The following HUS1 variants were observed in gnomAD, a reference collection of about 807,000 sequenced individuals.
HUS1 encodes the protein checkpoint protein HUS1.
Under a neutral mutation model 32.6 loss-of-function variants are expected in HUS1, and 31 were observed. That is an observed-to-expected ratio of 0.95 (90% confidence interval 0.72 to 1.28). HUS1 has a LOEUF of 1.28. HUS1 is among the 50% of genes most tolerant of loss of function. The pLI is 0.00. For missense variants in HUS1, 340 were observed against 337.7 expected (o/e 1.01, Z -0.05); for synonymous variants, 123 against 116.6 (o/e 1.06, Z -0.36).
intron 5 of HUS1, among the ~76,000 whole-genome samples, chr7:47,974,744 G>A (rs867363624): frequency 6.6e-6 from 1 of 152,076 alleles, no homozygotes; most frequent in Non-Finnish European, 1.5e-5. Context: ...TATGAATGAG[G>A]ATAACCTACA....
rs768800136 is a variant in HUS1 at position 47,976,820 on chromosome 7, A to C, written c.375T>G (p.Ser125Arg). 2 of 1,609,578 alleles carry C rather than the reference A, an allele frequency of 1.2e-6. No homozygotes were observed. Among genetic ancestry groups the C allele is most frequent in the South Asian group, 2.2e-5 (2 of 90,900 alleles). Residue 125 changes from serine to arginine, a missense_variant, in exon 4 of 8, where the codon AGT becomes AGG. Physicochemically the swap from Ser to Arg is moderately radical, Grantham distance 110. Coordinates refer to ENST00000258774, the MANE Select transcript of HUS1 (RefSeq NM_004507.4). ...GGATGTCATGGGTCACAATGCGGCTACTGCTTGACATAGATAACTGCCAAG... is the reference window on the plus strand; with the variant it reads ...GGATGTCATGGGTCACAATGCGGCTCCTGCTTGACATAGATAACTGCCAAG... ...VSVELLSMSS[S>R]SRIVTHDIPI... is the part of the protein sequence containing the mutation.
At chr7:47,978,293 A>C (rs1179690493) in intron 3 of HUS1, 124 bp downstream of exon 3, 6 of 818,032 alleles carry the variant, frequency 7.3e-6, no homozygotes, top group Non-Finnish European at 9.7e-6. Flanking sequence ...TATGGACCAG[A>C]TCTTTAAATT....
chr7:47,964,236 G>A lies in HUS1; in HGVS notation c.*1120C>T, dbSNP rs1788429599. 2 of 152,230 alleles carry A rather than the reference G, an allele frequency of 1.3e-5. No individual in the cohort carries two copies. The highest frequency in any genetic ancestry group is 2.9e-5 in the Non-Finnish European group (2 of 68,094). The allele number at this position is 152,230 out of a possible 1,614,324, so 9.4% of individuals were successfully genotyped here. On this transcript the variant is annotated 3_prime_UTR_variant, in exon 8 of 8. Transcript: ENST00000258774. ...TCTATGAAAAATTGAAAATTAGCTG[G>A]GTGTGGTGGTGCACACCAGTAGTCC... is the stretch of plus-strand genomic sequence containing the variant.
chr7:47,977,504 T>C (rs996416399), intron 3 of HUS1, among the ~76,000 whole-genome samples: 3 of 152,238 alleles, frequency 2.0e-5, no homozygotes, highest in Non-Finnish European at 4.4e-5. Context: ...TGCTTTTCCT[T>C]AAGCAATAGA....
chr7:47,971,785 G>A (rs1220863746), intron 5 of HUS1, among the ~76,000 whole-genome samples: 2 of 152,060 alleles, frequency 1.3e-5, no homozygotes, highest in African/African-American at 4.8e-5. Context: ...CAGTGTCACA[G>A]AAAGAAAACA....
At chr7:47,974,294 G>A (rs2128765986) in intron 5 of HUS1, among the ~76,000 whole-genome samples, 1 of 152,242 alleles carries the variant, frequency 6.6e-6, no homozygotes, top group South Asian at 2.1e-4. Flanking sequence ...AGAAGCTGGT[G>A]GTTCACGAGA....
intron 1 of HUS1, 111 bp downstream of exon 1, chr7:47,979,357 C>A (rs906139848): frequency 2.3e-5 from 31 of 1,325,092 alleles, no homozygotes; most frequent in Non-Finnish European, 3.2e-5. Flanking sequence ...CCCATCCTCC[C>A]GCGGCCCCTT....
chr7:47,968,531 G>A (rs746451252), intron 6 of HUS1, among the ~76,000 whole-genome samples: 2 of 152,120 alleles, frequency 1.3e-5, no homozygotes, highest in Non-Finnish European at 2.9e-5. Flanking sequence ...GACTAGGGCC[G>A]ATTTTATTGG....
At chr7:47,968,692 A>T (rs1788531317) in intron 6 of HUS1, 1 of 153,076 alleles carries the variant, frequency 6.5e-6, no homozygotes. Flanking sequence ...TTGGCTTATA[A>T]CTCACCAAAC....
intron 1 of HUS1, 183 bp from the exon 2 acceptor site, chr7:47,978,999 G>C (rs1421485404): frequency 1.6e-6 from 1 of 607,024 alleles, no homozygotes; most frequent in Non-Finnish European, 2.9e-6. Flanking sequence ...ACAAACTAGG[G>C]GAGATGTACA....
rs1285565981 is a variant in HUS1 at position 47,971,562 on chromosome 7, C to A, written c.541-2244G>T. 8.8e-6 allele frequency: 4 copies of A among 456,706 alleles called. No homozygotes were observed. In the East Asian group the frequency reaches 2.8e-4, roughly 32 times the overall value. The allele number at this position is 456,706 out of a possible 1,614,324, so 28.3% of individuals were successfully genotyped here. A position where few individuals can be genotyped will look rare whatever the true frequency, so the allele number is the denominator to read the frequency against. On this transcript the variant is annotated intron_variant, in intron 5 of 7. Coordinates refer to ENST00000258774, the MANE Select transcript of HUS1 (RefSeq NM_004507.4). ...ACAGTATGGTTTGAGGTTTTGCTAA[C>A]CTATCCTGGTCCACTCCCGCACCTA...
chr7:47,978,941 T>C, intron 1 of HUS1, 125 bp from the exon 2 acceptor site: 2 of 987,216 alleles, frequency 2.0e-6, no homozygotes, highest in South Asian at 3.1e-5. Flanking sequence ...AACGTTGGTA[T>C]CACACTGGAA....
At position 47,964,527 on chromosome 7, in the gene HUS1, C is replaced by T. The variant is rs1329994228; in HGVS notation, c.*829G>A. ...AATCAGCTTTGATGTTCAGAAACAT[C>T]AAAGAAATATGGTCTCATCACTTAA... On this transcript the variant is annotated 3_prime_UTR_variant, in exon 8 of 8. Transcript: ENST00000258774. 1 of 152,162 alleles carries T rather than the reference C, an allele frequency of 6.6e-6. No homozygotes were observed. The highest frequency in any genetic ancestry group is 2.4e-5 in the African/African-American group (1 of 41,446). 9.4% of individuals were successfully genotyped at this position (152,162 alleles called of 1,614,324 possible).
chr7:47,968,955 T>G, intron 6 of HUS1: 2 of 341,154 alleles, frequency 5.9e-6, no homozygotes, highest in Non-Finnish European at 1.1e-5. Flanking sequence ...TTGGAGGTTA[T>G]GTAACTTGAT....
intron 5 of HUS1, among the ~76,000 whole-genome samples, chr7:47,971,823 G>A (rs1386281585): frequency 6.6e-6 from 1 of 152,152 alleles, no homozygotes; most frequent in Non-Finnish European, 1.5e-5. Context: ...GCACGGCTCT[G>A]TATCAGTGTT....
chr7:47,966,529 C>T (rs1207481540), intron 7 of HUS1, among the ~76,000 whole-genome samples: 1 of 152,140 alleles, frequency 6.6e-6, no homozygotes, highest in East Asian at 1.9e-4. Flanking sequence ...CCCTGTGTTT[C>T]CACACTCTGC....
intron 1 of HUS1, 143 bp from the exon 2 acceptor site, chr7:47,978,959 T>C (rs1583727119): frequency 3.9e-6 from 3 of 760,302 alleles, no homozygotes; most frequent in Non-Finnish European, 6.4e-6. Flanking sequence ...GAAAGTACTT[T>C]AATACCCCTG....
At chr7:47,969,388 C>CA in intron 5 of HUS1, 70 bp from the exon 6 acceptor site, 2 of 787,078 alleles carry the variant, frequency 2.5e-6, no homozygotes, top group South Asian at 3.0e-5. Context: ...TGGGCAACAG[C>CA]TTTCACACAA....
Position 47,978,559 on chromosome 7 carries a change from A to G in HUS1, c.215T>C (p.Val72Ala), listed in dbSNP as rs1210122585. 6.2e-7 allele frequency: 1 copy of G among 1,614,170 alleles called. No homozygotes were observed. The highest frequency in any genetic ancestry group is 1.7e-5 in the Admixed American group (1 of 60,024). Residue 72 changes from valine (V) to alanine (A), a missense_variant, in exon 3 of 8, where the codon GTC (valine) becomes GCC (alanine). Transcript: ENST00000258774. ...NFFNEFQMEGVSAENNEIYLE... is the reference protein window; with the variant it reads ...NFFNEFQMEGASAENNEIYLE... ...ATAAATCTCATTGTTTTCTGCAGAG[A>G]CACCCTCCATTTGAAATTCGTTGAA...
Sources: gnomAD v4.1 joint callset for allele counts (sites outside exome capture counted in the v4.1 genomes callset) on GRCh38, gnomAD v4.1.1 for gene constraint, MANE v1.5 for transcripts, NCBI Gene and HGNC (gene_info 2026-07-23, HGNC 2026-07-21) for gene names.